The following ZC3H11A variants were observed in gnomAD, a reference collection of about 807,000 sequenced individuals.
The protein encoded by ZC3H11A is zinc finger CCCH domain-containing protein 11A.
A neutral mutation model predicts 90.8 loss-of-function variants in ZC3H11A; 22 were observed. That is an observed-to-expected ratio of 0.24 (90% CI 0.17 to 0.35). ZC3H11A has a LOEUF of 0.35. Among genes scored for constraint, ZC3H11A ranks in the 10% least tolerant of loss-of-function variants. ZC3H11A has a pLI of 1.00. For synonymous variants in ZC3H11A, 294 were observed against 339.8 expected (o/e 0.87, Z 1.48); for missense variants, 701 against 964.9 (o/e 0.73, Z 3.62).
intron 15 of ZC3H11A, chr1:203,850,249 T>A: frequency 3.1e-6 from 2 of 651,536 alleles, no homozygotes; most frequent in Non-Finnish European, 5.2e-6. Flanking sequence ...TAAAACTTTC[T>A]ATGGTGCATC....
At chr1:203,824,758 A>G (rs1679930433) in intron 4 of ZC3H11A, among the ~76,000 whole-genome samples, 1 of 152,114 alleles carries the variant, frequency 6.6e-6, no homozygotes, top group South Asian at 2.1e-4. Flanking sequence ...GCTGAGTAGA[A>G]GAAAGCTGTG....
At position 203,807,569 on chromosome 1, in the gene ZC3H11A, C is replaced by T. The variant is rs148464263; in HGVS notation, c.-146+4553C>T. On this transcript the variant is annotated intron_variant, in intron 2 of 17. Transcript: ENST00000367210. ...AGAGATAGAGTCTCGCTCTGCCTCC[C>T]AGGCTGGAGTGCAGTGATGTGATCA... Among the ~76,000 whole-genome samples, 58 of 152,086 alleles carry T rather than the reference C, an allele frequency of 3.8e-4. No homozygotes were observed. In the East Asian group the frequency reaches 0.011, roughly 29 times the overall value.
At chr1:203,840,125 G>C (rs1685636092) in intron 11 of ZC3H11A, among the ~76,000 whole-genome samples, 181 bp from the exon 12 acceptor site, 1 of 151,892 alleles carries the variant, frequency 6.6e-6, no homozygotes, top group Non-Finnish European at 1.5e-5. Flanking sequence ...TTTTAGTAGA[G>C]ATGGGGTTTC....
At chr1:203,798,153 A>G (rs1446915707) in intron 1 of ZC3H11A, 1 of 1,536,052 alleles carries the variant, frequency 6.5e-7, no homozygotes, top group Non-Finnish European at 8.7e-7. Flanking sequence ...CTCTTCTGGA[A>G]GCAATGGAAG....
At chr1:203,837,043 TC>T (rs1684567302) in intron 10 of ZC3H11A, among the ~76,000 whole-genome samples, 1 of 152,104 alleles carries the variant, frequency 6.6e-6, no homozygotes, top group African/African-American at 2.4e-5. Flanking sequence ...AGTGCTGTAA[TC>T]CTAGCATTTG....
chr1:203,807,694 T>A (rs1250755597), intron 2 of ZC3H11A, among the ~76,000 whole-genome samples: 1 of 151,680 alleles, frequency 6.6e-6, no homozygotes, highest in Non-Finnish European at 1.5e-5. Flanking sequence ...CCCAGCTAAA[T>A]TTTTTTTTCT....
intron 2 of ZC3H11A, chr1:203,806,005 A>T (rs184205391): frequency 1.5e-4 from 84 of 559,798 alleles, no homozygotes; most frequent in Non-Finnish European, 2.1e-4. Context: ...AACTTGTTTC[A>T]TGTTGAATGA....
chr1:203,799,026 T>C, intron 1 of ZC3H11A: 3 of 1,536,168 alleles, frequency 2.0e-6, no homozygotes, highest in Non-Finnish European at 2.6e-6. Context: ...GACTGTACAC[T>C]GGGTTTCTTT....
rs1681734291 is a variant in ZC3H11A at position 203,829,976 on chromosome 1, CTCT to C, written c.619+85_619+87del. 4.9e-6 allele frequency: 7 copies of C among 1,423,206 alleles called. No homozygotes were observed. The Admixed American group carries it at 1.2e-4, about 24-fold the overall frequency. 88.2% of individuals were successfully genotyped at this position (1,423,206 alleles called of 1,614,324 possible). On this transcript the variant is annotated intron_variant, in intron 7 of 17. Transcript: ENST00000367210. ...ATTTAGTTCACAATCATTGACCTCC[CTCT>C]TCTTTTTCCCATGCTACACGCATAC...
Position 203,802,199 on chromosome 1 carries a change from T to C in ZC3H11A, c.-963T>C, listed in dbSNP as rs1318473926. The C allele has an allele frequency of 2.6e-5, 4 of 152,656 alleles. No homozygotes were observed. The highest frequency in any genetic ancestry group is 1.9e-4 in the East Asian group (1 of 5,204). 9.5% of individuals were successfully genotyped at this position (152,656 alleles called of 1,614,324 possible). A position where few individuals can be genotyped will look rare whatever the true frequency, so the allele number is the denominator to read the frequency against. On this transcript the variant is annotated 5_prime_UTR_variant, in exon 2 of 18. It removes an upstream start codon present in the reference 5' UTR. Coordinates refer to ENST00000367210, the MANE Select transcript of ZC3H11A (RefSeq NM_001376342.1). ...TTGGTTAAACACTCCCTGATGACGA[T>C]GATGGATATATATACATACATCCAT...
At chr1:203,846,995 ACT>A (rs1392044442) in intron 12 of ZC3H11A, among the ~76,000 whole-genome samples, 187 bp from the exon 13 acceptor site, 1 of 150,802 alleles carries the variant, frequency 6.6e-6, no homozygotes, top group African/African-American at 2.4e-5. Flanking sequence ...ACAGAGTGAG[ACT>A]CTGTCTTAAA....
At position 203,799,836 on chromosome 1, in the gene ZC3H11A, C is replaced by T. The variant is rs913057533; in HGVS notation, c.-1587-1739C>T. 6 of 1,513,500 alleles carry T rather than the reference C, an allele frequency of 4.0e-6. No homozygotes were observed. In the African/African-American group the frequency reaches 6.9e-5, roughly 17 times the overall value. 93.8% of individuals were successfully genotyped at this position (1,513,500 alleles called of 1,614,324 possible). On this transcript the variant is annotated intron_variant, in intron 1 of 17. Coordinates refer to ENST00000367210, the MANE Select transcript of ZC3H11A (RefSeq NM_001376342.1). ...CTGTATCTTGGCTACTTTGTTAGAT[C>T]CTTGCTTTAAAAACAGTTTGGAAGA...
At chr1:203,817,185 AT>A in intron 3 of ZC3H11A, 61 bp downstream of exon 3, 1 of 1,396,120 alleles carries the variant, frequency 7.2e-7, no homozygotes, top group East Asian at 2.4e-5. Context: ...ATTGGATAAG[AT>A]TTTCCCAACA....
intron 10 of ZC3H11A, among the ~76,000 whole-genome samples, chr1:203,837,163 G>A (rs140718047): frequency 6.1e-4 from 92 of 151,900 alleles, no homozygotes; most frequent in Middle Eastern, 3.4e-3. Context: ...GGCATGGCAT[G>A]TGCCTATAGT....
intron 1 of ZC3H11A, chr1:203,800,521 T>A (rs1670242837): frequency 7.8e-6 from 11 of 1,401,714 alleles, no homozygotes; most frequent in African/African-American, 1.5e-5. Context: ...TCTTAATAGC[T>A]GTAGTTGTTA....
At chr1:203,828,445 A>G (rs1681252670) in intron 5 of ZC3H11A, 23 bp downstream of exon 5, 7 of 1,582,624 alleles carry the variant, frequency 4.4e-6, no homozygotes, top group Non-Finnish European at 6.0e-6. Flanking sequence ...TTTAATTTTA[A>G]AAGAATATCA....
rs751036838 is a variant in ZC3H11A at position 203,818,631 on chromosome 1, T to C, written c.116T>C (p.Leu39Ser). Residue 39 changes from leucine to serine, a missense_variant, in exon 4 of 18, where the codon TTA becomes TCA. Transcript: ENST00000367210. ...ATAGGAAATGAAACTGTTTGCACAT[T>C]ATGGCAAGAAGGGCGCTGTTTTCGA... Reference protein sequence around the residue: ...AAIGNETVCTLWQEGRCFRQV... With the variant: ...AAIGNETVCTSWQEGRCFRQV... 1.2e-6 allele frequency: 2 copies of C among 1,614,190 alleles called. No individual in the cohort carries two copies. Among genetic ancestry groups the C allele is most frequent in the South Asian group, 1.1e-5 (1 of 91,086 alleles).
chr1:203,839,638 C>T (rs1269203535), intron 11 of ZC3H11A, among the ~76,000 whole-genome samples: 1 of 151,982 alleles, frequency 6.6e-6, no homozygotes, highest in Non-Finnish European at 1.5e-5. Flanking sequence ...TGTGTATTGA[C>T]CATGTTGAAG....
intron 2 of ZC3H11A, among the ~76,000 whole-genome samples, chr1:203,811,490 T>G (rs1674481127): frequency 6.6e-6 from 1 of 152,232 alleles, no homozygotes. Context: ...GATTGACCTC[T>G]AAGCCTTTTA....
Sources: gnomAD v4.1 joint callset for allele counts (sites outside exome capture counted in the v4.1 genomes callset) on GRCh38, gnomAD v4.1.1 for gene constraint, MANE v1.5 for transcripts, NCBI Gene and HGNC (gene_info 2026-07-23, HGNC 2026-07-21) for gene names.